ZNF385B: variants seen among roughly 807,000 people sequenced by gnomAD.
ZNF385B encodes the protein zinc finger protein 533.
Under a neutral mutation model 39.2 loss-of-function variants are expected in ZNF385B, and 23 were observed. The ratio of observed to expected loss-of-function variants is 0.59; its 90% confidence interval spans 0.42 to 0.83. The LOEUF is 0.83. Ranked by LOEUF, ZNF385B falls within the 40% of genes least tolerant of loss-of-function variation. ZNF385B has a pLI of 0.00. For synonymous variants in ZNF385B, 205 were observed against 222.6 expected (o/e 0.92, Z 0.70); for missense variants, 552 against 598.9 (o/e 0.92, Z 0.82).
chr2:179,626,924 C>T (rs1690712862), intron 3 of ZNF385B, among the ~76,000 whole-genome samples: 1 of 152,034 alleles, frequency 6.6e-6, no homozygotes, highest in Admixed American at 6.6e-5. Flanking sequence ...TTATTCATGC[C>T]AGAAACATCT....
chr2:179,669,966 G>A (rs1559064188), intron 3 of ZNF385B, among the ~76,000 whole-genome samples: 2 of 152,142 alleles, frequency 1.3e-5, no homozygotes, highest in South Asian at 2.1e-4. Context: ...CTCTGGAGGT[G>A]AGGGAAAATC....
chr2:179,469,855 C>T (rs1193659525), intron 6 of ZNF385B, among the ~76,000 whole-genome samples: 2 of 152,180 alleles, frequency 1.3e-5, no homozygotes, highest in Non-Finnish European at 2.9e-5. Flanking sequence ...AACCACTATT[C>T]TCTTTAGATT....
intron 5 of ZNF385B, among the ~76,000 whole-genome samples, chr2:179,509,648 A>C (rs1410423230): frequency 6.6e-6 from 1 of 152,222 alleles, no homozygotes; most frequent in East Asian, 1.9e-4. Flanking sequence ...TATTTATGGC[A>C]AAAATGTAAA....
intron 3 of ZNF385B, among the ~76,000 whole-genome samples, chr2:179,697,215 T>C (rs1457432253): frequency 6.6e-6 from 1 of 152,230 alleles, no homozygotes; most frequent in Non-Finnish European, 1.5e-5. Context: ...TATGTCCATC[T>C]GACTATGACT....
intron 4 of ZNF385B, among the ~76,000 whole-genome samples, chr2:179,540,615 C>T (rs1164912322): frequency 6.6e-6 from 1 of 152,132 alleles, no homozygotes; most frequent in Non-Finnish European, 1.5e-5. Flanking sequence ...GGAGTATGAA[C>T]ATTGAAAACC....
At chr2:179,493,054 A>G (rs1467686002) in intron 5 of ZNF385B, among the ~76,000 whole-genome samples, 1 of 152,148 alleles carries the variant, frequency 6.6e-6, no homozygotes, top group Non-Finnish European at 1.5e-5. Context: ...TTTTAATAGA[A>G]TCAACAAATG....
intron 3 of ZNF385B, chr2:179,576,324 T>C (rs1328179252): frequency 1.3e-5 from 4 of 306,470 alleles, no homozygotes; most frequent in Non-Finnish European, 1.9e-5. Flanking sequence ...TTTTTCCATT[T>C]ATCCATTTGA....
chr2:179,802,787 G>A (rs1216946252), intron 1 of ZNF385B: 1 of 152,262 alleles, frequency 6.6e-6, no homozygotes, highest in African/African-American at 2.4e-5. Context: ...ACTGGTCCCA[G>A]AGAAGGAGTG....
At chr2:179,735,583 G>A (rs1458397088) in intron 3 of ZNF385B, among the ~76,000 whole-genome samples, 1,710 of 143,442 alleles carry the variant, frequency 0.012, 50 homozygotes, top group African/African-American at 0.041. Context: ...ACATGCACAC[G>A]TATGTTTATT....
At chr2:179,522,296 G>A (rs138133342) in intron 4 of ZNF385B, among the ~76,000 whole-genome samples, 9 of 152,212 alleles carry the variant, frequency 5.9e-5, no homozygotes, top group Non-Finnish European at 1.3e-4. Flanking sequence ...TGCTCTAAAA[G>A]CTAGATAAAA....
At chr2:179,685,811 A>G (rs1219683542) in intron 3 of ZNF385B, among the ~76,000 whole-genome samples, 1 of 152,244 alleles carries the variant, frequency 6.6e-6, no homozygotes, top group East Asian at 1.9e-4. Flanking sequence ...AGAGCAAACC[A>G]TATTTAGCAA....
chr2:179,641,638 G>T (rs1246569291), intron 3 of ZNF385B, among the ~76,000 whole-genome samples: 1 of 151,868 alleles, frequency 6.6e-6, no homozygotes, highest in African/African-American at 2.4e-5. Flanking sequence ...AACCTCTATG[G>T]TTCCTAAACA....
At chr2:179,728,364 T>G (rs1701156431) in intron 3 of ZNF385B, among the ~76,000 whole-genome samples, 1 of 152,106 alleles carries the variant, frequency 6.6e-6, no homozygotes, top group Non-Finnish European at 1.5e-5. Flanking sequence ...AAAATTAGTC[T>G]CAATTCCTTG....
chr2:179,491,279 G>C (rs1163394884), intron 5 of ZNF385B, among the ~76,000 whole-genome samples: 1 of 152,078 alleles, frequency 6.6e-6, no homozygotes, highest in African/African-American at 2.4e-5. Context: ...TACAATTTTA[G>C]AATTTCTAAG....
chr2:179,792,370 C>CTTT (rs1346808450), intron 1 of ZNF385B, among the ~76,000 whole-genome samples: 2 of 70,690 alleles, frequency 2.8e-5, no homozygotes, highest in African/African-American at 5.1e-5. Context: ...ATTTCATTTT[C>CTTT]TTTTCTTTTT....
intron 5 of ZNF385B, among the ~76,000 whole-genome samples, chr2:179,505,834 A>C (rs2057204099): frequency 6.6e-6 from 1 of 152,144 alleles, no homozygotes; most frequent in Non-Finnish European, 1.5e-5. Context: ...CAATAAAAAA[A>C]CGGACCAAAA....
intron 3 of ZNF385B, among the ~76,000 whole-genome samples, chr2:179,585,009 G>C (rs1019614647): frequency 1.3e-5 from 2 of 152,106 alleles, no homozygotes; most frequent in African/African-American, 4.8e-5. Flanking sequence ...AAGATGAGGA[G>C]TGACACACAT....
At chr2:179,776,337 G>GTGAATC (rs1339573959) in intron 1 of ZNF385B, among the ~76,000 whole-genome samples, 3 of 152,192 alleles carry the variant, frequency 2.0e-5, no homozygotes, top group Non-Finnish European at 4.4e-5. Flanking sequence ...ATCTAGACAT[G>GTGAATC]TGAATCTTGT....
chr2:179,538,072 CA>C (rs1245018084), intron 4 of ZNF385B, among the ~76,000 whole-genome samples: 8 of 151,918 alleles, frequency 5.3e-5, no homozygotes, highest in Admixed American at 1.3e-4. Flanking sequence ...AAGCATGTCA[CA>C]AAAAATAAAA....
Sources: gnomAD v4.1 joint callset for allele counts (sites outside exome capture counted in the v4.1 genomes callset) on GRCh38, gnomAD v4.1.1 for gene constraint, MANE v1.5 for transcripts, NCBI Gene and HGNC (gene_info 2026-07-23, HGNC 2026-07-21) for gene names.